The following RAD51B variants were observed in gnomAD, a reference collection of about 807,000 sequenced individuals.
RAD51B encodes DNA repair protein RAD51 homolog 2.
RAD51B carries 38 observed loss-of-function variants against 42.2 expected under a neutral mutation model. That is an observed-to-expected ratio of 0.90 (90% CI 0.70 to 1.18). RAD51B has a LOEUF of 1.18. Among genes scored for constraint, RAD51B ranks in the 50% most tolerant of loss-of-function variants. The pLI, the probability that RAD51B is intolerant of heterozygous loss-of-function variation, is 0.00. For synonymous variants in RAD51B, 154 were observed against 145.2 expected (o/e 1.06, Z -0.43); for missense variants, 373 against 400.7 (o/e 0.93, Z 0.59).
Position 68,607,059 on chromosome 14 carries a change from C to T in RAD51B, c.1037-3947C>T, listed in dbSNP as rs79441546. 5.5e-3 allele frequency among the ~76,000 whole-genome samples: 830 copies of T among 152,168 alleles called. 18 individuals are homozygous for T. Among genetic ancestry groups the T allele is most frequent in the East Asian group, 0.033 (169 of 5,176 alleles). ...AGTGTCACATGTAAAAACAAGGCGC[C>T]GTAATTTAAGTCCAGCCTCACACTT... On this transcript the variant is annotated intron_variant, in intron 10 of 10. Coordinates refer to the RAD51B transcript ENST00000487861.
At chr14:68,445,329 A>G (rs748412798) in intron 9 of RAD51B, among the ~76,000 whole-genome samples, 1 of 152,314 alleles carries the variant, frequency 6.6e-6, no homozygotes, top group East Asian at 1.9e-4. Flanking sequence ...ATGATTCTGT[A>G]TAAGATTACT....
chr14:68,441,678 A>T (rs2085296181), intron 9 of RAD51B, among the ~76,000 whole-genome samples: 1 of 152,142 alleles, frequency 6.6e-6, no homozygotes. Flanking sequence ...CTAAAGTAAA[A>T]TTCTAGCTCT....
At chr14:68,267,339 A>G (rs1464375272) in intron 7 of RAD51B, among the ~76,000 whole-genome samples, 1 of 152,200 alleles carries the variant, frequency 6.6e-6, no homozygotes, top group Non-Finnish European at 1.5e-5. Flanking sequence ...GGTAAGACAA[A>G]TACATATGGT....
chr14:68,595,447 G>A, exon 11 of RAD51B: 1 of 1,066,568 alleles, frequency 9.4e-7, no homozygotes, highest in Non-Finnish European at 1.1e-6. Flanking sequence ...GTGTTTCTGT[G>A]GAATTAAGAG....
Position 68,504,662 on chromosome 14 carries a change from C to CTTTTTTTTTTT in RAD51B, c.1036+36427_1036+36437dup, listed in dbSNP as rs57967320. Among the ~76,000 whole-genome samples, 8 of 90,428 alleles carry CTTTTTTTTTTT rather than the reference C, an allele frequency of 8.8e-5. 1 individual carries two copies. Among genetic ancestry groups the CTTTTTTTTTTT allele is most frequent in the East Asian group, 8.2e-4 (2 of 2,450 alleles). 59.3% of individuals were successfully genotyped at this position (90,428 alleles called of 152,430 possible). A position where few individuals can be genotyped will look rare whatever the true frequency, so the allele number is the denominator to read the frequency against. On this transcript the variant is annotated intron_variant, in intron 10 of 10. Transcript: ENST00000487270. ...AAGGAGTAATCCTTTTTTTTTCTTT[C>CTTTTTTTTTTT]TTTTTTTTTTTTTTTTTTTTTTTTT...
intron 11 of RAD51B, among the ~76,000 whole-genome samples, chr14:68,668,818 G>C (rs1184167995): frequency 2.6e-5 from 4 of 152,174 alleles, no homozygotes; most frequent in Admixed American, 1.3e-4. Flanking sequence ...ACAAGTCAGG[G>C]GCAGCATCTG....
At chr14:68,118,054 A>G (rs1191366231) in intron 7 of RAD51B, among the ~76,000 whole-genome samples, 7 of 152,186 alleles carry the variant, frequency 4.6e-5, no homozygotes, top group African/African-American at 7.2e-5. Context: ...TTTTCTTTTC[A>G]AAATCAGTTC....
intron 7 of RAD51B, among the ~76,000 whole-genome samples, chr14:67,946,233 A>T (rs2045386436): frequency 6.6e-6 from 1 of 152,204 alleles, no homozygotes; most frequent in African/African-American, 2.4e-5. Flanking sequence ...ATTATTTTTG[A>T]AAAATGAAAT....
At chr14:67,943,016 T>C (rs1359661094) in intron 7 of RAD51B, among the ~76,000 whole-genome samples, 1 of 152,114 alleles carries the variant, frequency 6.6e-6, no homozygotes, top group African/African-American at 2.4e-5. Context: ...AACAGTCAAC[T>C]GTCACTTAAA....
intron 5 of RAD51B, 145 bp downstream of exon 5, chr14:67,865,284 T>A: frequency 2.5e-6 from 2 of 790,280 alleles, no homozygotes; most frequent in East Asian, 3.4e-5. Context: ...GTTGCCGGGC[T>A]GGAGTGCAGT....
intron 7 of RAD51B, among the ~76,000 whole-genome samples, chr14:68,157,819 CATA>C (rs2078545469): frequency 6.6e-6 from 1 of 152,146 alleles, no homozygotes; most frequent in African/African-American, 2.4e-5. Flanking sequence ...GTCAGAAAAC[CATA>C]GGAGTCAGGC....
At chr14:68,469,170 C>A in intron 10 of RAD51B, 1 of 487,294 alleles carries the variant, frequency 2.1e-6, no homozygotes, top group Non-Finnish European at 4.2e-6. Flanking sequence ...CACTGCTGTC[C>A]ATGGGAGAAG....
At chr14:68,590,321 G>C (rs1260682520) in intron 10 of RAD51B, among the ~76,000 whole-genome samples, 1 of 152,314 alleles carries the variant, frequency 6.6e-6, no homozygotes, top group East Asian at 1.9e-4. Context: ...AGGGGGCCAA[G>C]TTGACAGCTG....
At chr14:68,186,394 G>A (rs576421843) in intron 7 of RAD51B, among the ~76,000 whole-genome samples, 1 of 152,236 alleles carries the variant, frequency 6.6e-6, no homozygotes, top group South Asian at 2.1e-4. Context: ...CTTCTGCACA[G>A]CAAAAGAAAC....
At chr14:68,566,190 G>A (rs895139968) in intron 10 of RAD51B, among the ~76,000 whole-genome samples, 2 of 152,156 alleles carry the variant, frequency 1.3e-5, no homozygotes, top group Non-Finnish European at 2.9e-5. Flanking sequence ...CTGTGAGGTC[G>A]GGGAGTGTGT....
intron 8 of RAD51B, among the ~76,000 whole-genome samples, chr14:68,311,612 G>A (rs2081969279): frequency 1.3e-5 from 2 of 152,254 alleles, no homozygotes; most frequent in South Asian, 4.1e-4. Context: ...AACTGGGCCA[G>A]GTGTGGTGGC....
At chr14:67,939,379 A>G (rs2045077691) in intron 7 of RAD51B, among the ~76,000 whole-genome samples, 1 of 152,252 alleles carries the variant, frequency 6.6e-6, no homozygotes, top group Non-Finnish European at 1.5e-5. Context: ...AGATCCTTGC[A>G]TAAACTAGAT....
chr14:68,652,894 G>T (rs1345743752), intron 11 of RAD51B, among the ~76,000 whole-genome samples: 2 of 152,184 alleles, frequency 1.3e-5, no homozygotes, highest in African/African-American at 4.8e-5. Flanking sequence ...TGAGCATAGG[G>T]GAGCAATTTA....
At chr14:68,304,347 A>C (rs1241881272) in intron 8 of RAD51B, among the ~76,000 whole-genome samples, 1 of 152,238 alleles carries the variant, frequency 6.6e-6, no homozygotes, top group East Asian at 1.9e-4. Flanking sequence ...AAACTGAAGT[A>C]CGAAGTATTT....
Sources: gnomAD v4.1 joint callset for allele counts (sites outside exome capture counted in the v4.1 genomes callset) on GRCh38, gnomAD v4.1.1 for gene constraint, MANE v1.5 for transcripts, NCBI Gene and HGNC (gene_info 2026-07-23, HGNC 2026-07-21) for gene names.